ATG10: variants seen among roughly 807,000 people sequenced by gnomAD.
ATG10 encodes the protein autophagy related 10.
Under a neutral mutation model 32.1 loss-of-function variants are expected in ATG10, and 30 were observed. The observed-to-expected ratio is 0.94, with a 90% CI of 0.70 to 1.27. The LOEUF (loss-of-function observed/expected upper bound fraction) is 1.27, where lower values mean the gene tolerates loss of function less well. ATG10 is among the 50% of genes most tolerant of loss of function. The pLI is 0.00. For synonymous variants in ATG10, 87 were observed against 91.5 expected (o/e 0.95, Z 0.28); for missense variants, 233 against 262.3 (o/e 0.89, Z 0.77).
intron 5 of ATG10, among the ~76,000 whole-genome samples, chr5:82,226,844 T>A (rs549616894): frequency 6.6e-6 from 1 of 152,348 alleles, no homozygotes; most frequent in Admixed American, 6.5e-5. Flanking sequence ...ATAATTATGC[T>A]TATTACTATC....
At chr5:82,162,060 GTTT>G (rs1184602359) in intron 3 of ATG10, among the ~76,000 whole-genome samples, 3 of 151,848 alleles carry the variant, frequency 2.0e-5, no homozygotes, top group Non-Finnish European at 4.4e-5. Context: ...AACAGAAAGT[GTTT>G]TTTATATATG....
rs144374261 is a variant in ATG10, at chr5:82,000,685, G to A, written c.108+13007G>A. On this transcript the variant is annotated intron_variant, in intron 2 of 7. Transcript: ENST00000282185. ...CTTTTTTTTGTTTGTTTTTGAGATGGAGTCTCTGTCGCCCAGGCTGGAGTG... is the reference window on the plus strand; with the variant it reads ...CTTTTTTTTGTTTGTTTTTGAGATGAAGTCTCTGTCGCCCAGGCTGGAGTG... Among the ~76,000 whole-genome samples, 486 of 152,134 alleles carry A rather than the reference G, an allele frequency of 3.2e-3. 1 individual carries two copies. The highest frequency in any genetic ancestry group is 0.011 in the African/African-American group (463 of 41,534).
At chr5:82,174,396 C>T (rs569954878) in intron 4 of ATG10, among the ~76,000 whole-genome samples, 32 of 152,238 alleles carry the variant, frequency 2.1e-4, no homozygotes, top group African/African-American at 7.5e-4. Context: ...ATACTTTTGC[C>T]AACCATACTC....
intron 2 of ATG10, among the ~76,000 whole-genome samples, chr5:82,045,734 G>A (rs545701807): frequency 6.6e-6 from 1 of 152,156 alleles, no homozygotes; most frequent in East Asian, 1.9e-4. Context: ...AGAAACTTTT[G>A]TTACATTAAT....
chr5:82,253,556 T>C (rs1457351173), intron 7 of ATG10, 127 bp downstream of exon 7: 11 of 654,456 alleles, frequency 1.7e-5, no homozygotes, highest in Non-Finnish European at 2.7e-5. Flanking sequence ...ACTTAATTTT[T>C]AGTTTTCCAA....
In ATG10 at chr5:82,009,866, C is replaced by T. The variant is rs1581594254; in HGVS notation, c.108+22188C>T. The T allele has an allele frequency of 4.3e-6, 7 of 1,609,574 alleles. No homozygotes were observed. In the East Asian group the frequency reaches 1.6e-4, roughly 36 times the overall value. On this transcript the variant is annotated intron_variant, in intron 2 of 7. Coordinates refer to ENST00000282185, the MANE Select transcript of ATG10 (RefSeq NM_031482.5). ...CTTCAAATTTCTCCCCATAGATGGA[C>T]TTGCCACTAGTGCCATTATGGCGTG... is the stretch of plus-strand genomic sequence containing the variant.
chr5:82,224,493 A>G (rs567478426), intron 5 of ATG10, among the ~76,000 whole-genome samples: 1 of 152,286 alleles, frequency 6.6e-6, no homozygotes, highest in South Asian at 2.1e-4. Context: ...AATTTTGAGC[A>G]AGGGAGTGGC....
rs574974635 is a variant in ATG10 at position 82,058,269 on chromosome 5, G to A, written c.109-226G>A. On this transcript the variant is annotated intron_variant, in intron 2 of 7. Transcript: ENST00000282185. ...AAAAGGGAAAGGTTTAATCTAGGAG[G>A]GTGGAAACATCATTAATAAATAAGA... Among the ~76,000 whole-genome samples the A allele has an allele frequency of 3.3e-5, 5 of 152,090 alleles. No individual in the cohort carries two copies. The South Asian group carries it at 1.0e-3, about 32-fold the overall frequency.
intron 3 of ATG10, chr5:82,111,467 T>C (rs1301059337): frequency 6.6e-6 from 1 of 152,052 alleles, no homozygotes; most frequent in African/African-American, 2.4e-5. Context: ...TCAGTTATTC[T>C]CTGGTCATGA....
intron 1 of ATG10, among the ~76,000 whole-genome samples, chr5:81,986,980 T>C (rs1761295514): frequency 6.6e-6 from 1 of 152,054 alleles, no homozygotes; most frequent in Non-Finnish European, 1.5e-5. Flanking sequence ...AAGATGAAGA[T>C]TGCAGTGAGC....
At chr5:82,133,150 G>A (rs996346743) in intron 3 of ATG10, among the ~76,000 whole-genome samples, 17 of 152,100 alleles carry the variant, frequency 1.1e-4, no homozygotes, top group Non-Finnish European at 2.2e-4. Flanking sequence ...TTTGTCAGAT[G>A]GATAGATTGC....
chr5:82,119,326 T>G (rs1437469527), intron 3 of ATG10, among the ~76,000 whole-genome samples: 1 of 152,194 alleles, frequency 6.6e-6, no homozygotes, highest in Non-Finnish European at 1.5e-5. Context: ...TTAAAGCAAT[T>G]AAAAGACAAA....
intron 2 of ATG10, among the ~76,000 whole-genome samples, chr5:82,041,434 A>G (rs1307287208): frequency 2.0e-5 from 3 of 152,210 alleles, no homozygotes; most frequent in Admixed American, 2.0e-4. Flanking sequence ...TATTTGTGAC[A>G]TATTTACCTC....
chr5:82,215,830 C>T (rs1335359910), intron 5 of ATG10, among the ~76,000 whole-genome samples: 4 of 151,394 alleles, frequency 2.6e-5, no homozygotes, highest in Admixed American at 6.6e-5. Context: ...CCCAGCTACT[C>T]GGGAGGCTGA....
chr5:82,144,013 T>A (rs1226354471), intron 3 of ATG10, among the ~76,000 whole-genome samples: 3 of 152,204 alleles, frequency 2.0e-5, no homozygotes, highest in Non-Finnish European at 2.9e-5. Flanking sequence ...TCTTTAAAGA[T>A]ATAGAGCTAT....
intron 3 of ATG10, among the ~76,000 whole-genome samples, chr5:82,095,655 GTTC>G (rs1369998712): frequency 6.6e-6 from 1 of 151,956 alleles, no homozygotes; most frequent in Non-Finnish European, 1.5e-5. Flanking sequence ...GCAGCTGGTA[GTTC>G]TTCTTGGCCG....
At chr5:82,100,169 C>T (rs1765219626) in intron 3 of ATG10, among the ~76,000 whole-genome samples, 1 of 151,640 alleles carries the variant, frequency 6.6e-6, no homozygotes, top group Admixed American at 6.6e-5. Flanking sequence ...CCACCACACC[C>T]AGCTAATTTT....
At chr5:82,086,273 A>T (rs1354163497) in intron 3 of ATG10, among the ~76,000 whole-genome samples, 1 of 152,248 alleles carries the variant, frequency 6.6e-6, no homozygotes, top group Non-Finnish European at 1.5e-5. Context: ...CTACAAAGAG[A>T]AAATGTTTTC....
intron 5 of ATG10, among the ~76,000 whole-genome samples, chr5:82,229,729 C>T (rs752944560): frequency 1.3e-5 from 2 of 152,114 alleles, no homozygotes; most frequent in Non-Finnish European, 2.9e-5. Flanking sequence ...AATAGTCAGT[C>T]CTCCATGTCT....
Sources: allele counts gnomAD v4.1 joint callset (sites outside exome capture counted in the v4.1 genomes callset), GRCh38; gene constraint gnomAD v4.1.1; transcripts MANE v1.5; gene names NCBI Gene and HGNC (gene_info 2026-07-23, HGNC 2026-07-21).